The following LRMDA variants were observed in gnomAD, a reference collection of about 807,000 sequenced individuals.
LRMDA encodes leucine rich melanocyte differentiation associated.
In LRMDA, 18 loss-of-function variants were observed where a neutral mutation model predicts 29.8. The observed-to-expected ratio is 0.60, with a 90% confidence interval of 0.42 to 0.90. The LOEUF (loss-of-function observed/expected upper bound fraction) is 0.90, where lower values mean the gene tolerates loss of function less well. Ranked by LOEUF, LRMDA falls within the 40% of genes least tolerant of loss-of-function variation. The probability of loss-of-function intolerance (pLI) is 0.00; values close to 1 mark genes in which losing one functional copy is unlikely to be tolerated. For synonymous variants in LRMDA, 125 were observed against 109.4 expected, an observed-to-expected ratio of 1.14 and a Z score of -0.89; for missense variants, 273 against 273.9, an observed-to-expected ratio of 1.00 and a Z score of 0.02.
chr10:76,513,186 T>C (rs1013894142), intron 6 of LRMDA, among the ~76,000 whole-genome samples: 1 of 152,196 alleles, frequency 6.6e-6, no homozygotes, highest in Non-Finnish European at 1.5e-5. Context: ...CAAACATAAC[T>C]GTAATTTGAG....
At chr10:75,581,096 G>T (rs1275222560) in intron 2 of LRMDA, among the ~76,000 whole-genome samples, 1 of 152,174 alleles carries the variant, frequency 6.6e-6, no homozygotes, top group Non-Finnish European at 1.5e-5. Context: ...AAGAGCATCT[G>T]CACAGGAAAA....
chr10:76,515,431 T>G (rs1177963492), intron 6 of LRMDA, among the ~76,000 whole-genome samples: 1 of 152,196 alleles, frequency 6.6e-6, no homozygotes, highest in Non-Finnish European at 1.5e-5. Context: ...TTCACTAACT[T>G]AAGTATTTAA....
At chr10:75,726,868 C>T (rs12258982) in intron 2 of LRMDA, among the ~76,000 whole-genome samples, 5,419 of 152,266 alleles carry the variant, frequency 0.036, 244 homozygotes, top group African/African-American at 0.11. Context: ...CAATGATACA[C>T]TCATGATCAT....
At chr10:76,510,360 C>G (rs1473804645) in intron 6 of LRMDA, among the ~76,000 whole-genome samples, 2 of 152,166 alleles carry the variant, frequency 1.3e-5, no homozygotes, top group Non-Finnish European at 1.5e-5. Flanking sequence ...CGTGAGCCAC[C>G]ACCCCCAGCC....
intron 2 of LRMDA, among the ~76,000 whole-genome samples, chr10:75,513,087 A>G (rs1316113765): frequency 2.0e-5 from 3 of 152,206 alleles, no homozygotes; most frequent in Non-Finnish European, 2.9e-5. Context: ...TCTGAGCCTT[A>G]CCACTTGGGG....
chr10:75,548,953 A>G (rs945497312), intron 2 of LRMDA, among the ~76,000 whole-genome samples: 3 of 152,082 alleles, frequency 2.0e-5, no homozygotes, highest in Non-Finnish European at 4.4e-5. Context: ...TATTACTACA[A>G]TTTCCTATCT....
intron 4 of LRMDA, among the ~76,000 whole-genome samples, chr10:76,053,958 C>CA: frequency 6.6e-6 from 1 of 152,302 alleles, no homozygotes; most frequent in South Asian, 2.1e-4. Context: ...GGGGCCCTGC[C>CA]ATCTGTGTGT....
chr10:76,082,241 T>A (rs1384531318), intron 5 of LRMDA, among the ~76,000 whole-genome samples: 2 of 152,292 alleles, frequency 1.3e-5, no homozygotes, highest in East Asian at 1.9e-4. Context: ...CAATTCCCCT[T>A]GTCTATCAAG....
chr10:75,525,501 A>G lies in LRMDA; in HGVS notation c.131+87007A>G, dbSNP rs552816983. Among the ~76,000 whole-genome samples, 5 of 152,246 alleles carry G rather than the reference A, an allele frequency of 3.3e-5. No homozygotes were observed. The East Asian group carries it at 9.7e-4, about 29-fold the overall frequency. ...ATGTAGAGTTCTGAATGGGTTGGCT[A>G]ATGCAAACAGCTTAACTGACTTGGT... On this transcript the variant is annotated intron_variant, in intron 2 of 6. Coordinates refer to ENST00000611255, the MANE Select transcript of LRMDA (RefSeq NM_001305581.2).
chr10:75,624,715 A>T (rs527308113), intron 2 of LRMDA, among the ~76,000 whole-genome samples: 1 of 152,206 alleles, frequency 6.6e-6, no homozygotes, highest in Admixed American at 6.5e-5. Flanking sequence ...AAACAAAAAA[A>T]CCATTAAGCA....
intron 2 of LRMDA, among the ~76,000 whole-genome samples, chr10:75,579,952 C>A (rs1444261635): frequency 3.3e-5 from 5 of 152,166 alleles, no homozygotes; most frequent in African/African-American, 1.2e-4. Context: ...ATGGCAAACC[C>A]ACAGCCAATA....
chr10:75,591,307 G>C (rs897493510), intron 2 of LRMDA, among the ~76,000 whole-genome samples: 1 of 152,046 alleles, frequency 6.6e-6, no homozygotes, highest in Non-Finnish European at 1.5e-5. Context: ...ACATGGATAG[G>C]GTATTCTTAT....
At chr10:75,994,379 C>A (rs1013022498) in intron 2 of LRMDA, among the ~76,000 whole-genome samples, 4 of 152,194 alleles carry the variant, frequency 2.6e-5, no homozygotes, top group Admixed American at 6.5e-5. Context: ...GCTCCTTCTG[C>A]ACCCTAGGAT....
At chr10:76,309,571 G>A (rs1392963321) in intron 5 of LRMDA, among the ~76,000 whole-genome samples, 11 of 152,138 alleles carry the variant, frequency 7.2e-5, no homozygotes, top group Admixed American at 3.3e-4. Context: ...GGCAAGGAGC[G>A]CTGATCTTGA....
Position 75,800,087 on chromosome 10 carries a change from A to G in LRMDA, c.132-235921A>G, listed in dbSNP as rs908662242. 1.8e-4 allele frequency among the ~76,000 whole-genome samples: 28 copies of G among 151,420 alleles called. 1 individual carries two copies. On this transcript the variant is annotated intron_variant, in intron 2 of 6. Coordinates refer to ENST00000611255, the MANE Select transcript of LRMDA (RefSeq NM_001305581.2). ...TCCTTTTTTCCCCCTTGACATTTCC[A>G]TTTGCTGTTAAGACCATTTATCAAT...
chr10:75,594,049 T>A (rs1840755786), intron 2 of LRMDA, among the ~76,000 whole-genome samples: 1 of 152,170 alleles, frequency 6.6e-6, no homozygotes, highest in Admixed American at 6.5e-5. Flanking sequence ...AGTTGGTCCT[T>A]TTGTCCCAGT....
At chr10:76,480,706 A>C (rs1842725326) in intron 6 of LRMDA, among the ~76,000 whole-genome samples, 1 of 151,966 alleles carries the variant, frequency 6.6e-6, no homozygotes, top group Non-Finnish European at 1.5e-5. Flanking sequence ...AATGGAAATA[A>C]CTTGCATGGA....
intron 2 of LRMDA, among the ~76,000 whole-genome samples, chr10:75,649,193 T>C (rs566411741): frequency 1.3e-5 from 2 of 152,320 alleles, no homozygotes; most frequent in African/African-American, 2.4e-5. Context: ...GAGTACCTCA[T>C]ATGGGTGAAT....
chr10:76,185,735 T>C (rs1050854453), intron 5 of LRMDA, among the ~76,000 whole-genome samples: 5 of 152,214 alleles, frequency 3.3e-5, no homozygotes, highest in African/African-American at 1.2e-4. Flanking sequence ...GAAATCGGTC[T>C]GGTAAGAACC....
Sources: gnomAD v4.1 joint callset for allele counts (sites outside exome capture counted in the v4.1 genomes callset) on GRCh38, gnomAD v4.1.1 for gene constraint, MANE v1.5 for transcripts, NCBI Gene and HGNC (gene_info 2026-07-23, HGNC 2026-07-21) for gene names.